Variants in ZEB2 observed in about 807,000 individuals in gnomAD.
The protein encoded by ZEB2 is zinc finger E-box-binding homeobox 2.
Under a neutral mutation model 99.9 loss-of-function variants are expected in ZEB2, and 6 were observed. The observed-to-expected ratio is 0.06, with a 90% CI of 0.03 to 0.12. The LOEUF (loss-of-function observed/expected upper bound fraction) is 0.12, where lower values mean the gene tolerates loss of function less well. Among genes scored for constraint, ZEB2 ranks in the 10% least tolerant of loss-of-function variants. The pLI is 1.00. For missense variants in ZEB2, 969 were observed against 1,502.8 expected, an observed-to-expected ratio of 0.64 and a Z score of 5.87; for synonymous variants, 517 against 542.5, an observed-to-expected ratio of 0.95 and a Z score of 0.65.
intron 7 of ZEB2, among the ~76,000 whole-genome samples, chr2:144,400,710 T>C (rs1218135593): frequency 6.6e-6 from 1 of 152,222 alleles, no homozygotes; most frequent in African/African-American, 2.4e-5. Flanking sequence ...ATAAAATGCT[T>C]GGCAGAGCTA....
intron 2 of ZEB2, chr2:144,513,731 G>T: frequency 1.3e-6 from 2 of 1,536,012 alleles, no homozygotes; most frequent in Non-Finnish European, 1.7e-6. Context: ...AGTTACAAAC[G>T]GGCCGCACCG....
chr2:144,490,117 G>T (rs1704655087), intron 2 of ZEB2, among the ~76,000 whole-genome samples: 1 of 152,234 alleles, frequency 6.6e-6, no homozygotes, highest in East Asian at 1.9e-4. Context: ...TAAACACCTA[G>T]TTCCCTGAAA....
At chr2:144,430,054 C>T (rs758597077) in intron 2 of ZEB2, 28 bp from the exon 3 acceptor site, 1 of 1,609,724 alleles carries the variant, frequency 6.2e-7, no homozygotes, top group Non-Finnish European at 8.5e-7. Context: ...AACACACTCT[C>T]TAAACACTCT....
intron 2 of ZEB2, chr2:144,461,309 C>G (rs897867999): frequency 3.3e-5 from 5 of 152,162 alleles, no homozygotes; most frequent in African/African-American, 9.7e-5. Flanking sequence ...AGGAACCCCC[C>G]ACCTGTGCAA....
In ZEB2 at chr2:144,497,878, T is replaced by TA. The variant is rs1170851614; in HGVS notation, c.73+19399_73+19400insT. 2.3e-3 allele frequency: 5 copies of TA among 2,164 alleles called. 1 individual carries two copies. The highest frequency in any genetic ancestry group is 0.01 in the Admixed American group (1 of 98). The allele number at this position is 2,164 out of a possible 1,614,324, so 0.1% of individuals were successfully genotyped here. On this transcript the variant is annotated intron_variant, in intron 2 of 9. Transcript: ENST00000627532. Reference sequence around the variant, plus strand: ...CAACATATATATATATATGTCATTCTCAACATATATATATATGTCATTCTC... The same window carrying TA: ...CAACATATATATATATATGTCATTCTACAACATATATATATATGTCATTCTC...
chr2:144,500,081 T>C (rs1013645655), intron 2 of ZEB2, among the ~76,000 whole-genome samples: 1 of 152,214 alleles, frequency 6.6e-6, no homozygotes, highest in Non-Finnish European at 1.5e-5. Flanking sequence ...AATTGTGCAT[T>C]TGCACAGCCT....
chr2:144,406,764 T>A (rs1185659066), intron 4 of ZEB2, among the ~76,000 whole-genome samples: 2 of 152,192 alleles, frequency 1.3e-5, no homozygotes, highest in African/African-American at 4.8e-5. Flanking sequence ...GATGAAACTA[T>A]GATTATTTGC....
chr2:144,513,668 G>A (rs1311591667), intron 2 of ZEB2: 1 of 1,535,046 alleles, frequency 6.5e-7, no homozygotes, highest in African/African-American at 1.4e-5. Context: ...AGGGAAGCAG[G>A]AGCATCCCAG....
intron 4 of ZEB2, among the ~76,000 whole-genome samples, chr2:144,414,331 T>C (rs1360770046): frequency 1.3e-5 from 2 of 152,038 alleles, no homozygotes; most frequent in Non-Finnish European, 1.5e-5. Context: ...AAAATGAAAA[T>C]GTTGGGCCCC....
intron 2 of ZEB2, among the ~76,000 whole-genome samples, chr2:144,476,993 ATCTATTATCTCAAATAAATATTG>A (rs1425079093): frequency 6.6e-6 from 1 of 152,218 alleles, no homozygotes; most frequent in African/African-American, 2.4e-5. Flanking sequence ...TTTATATATT[ATCTATTATCTCAAATAAATATTG>A]TTCTTAATAA....
intron 2 of ZEB2, among the ~76,000 whole-genome samples, chr2:144,476,258 G>A (rs547782049): frequency 1.3e-5 from 2 of 152,166 alleles, no homozygotes; most frequent in East Asian, 3.9e-4. Context: ...TAATCGAAAT[G>A]AGATGCCCCA....
Position 144,440,501 on chromosome 2 carries a change from ATATATATATATATATTTTTTTTTTTTTT to A in ZEB2, c.74-10503_74-10476del, listed in dbSNP as rs780854079. On this transcript the variant is annotated intron_variant, in intron 2 of 9. Transcript: ENST00000627532. ...CCAAAAGCAGTATATATATATATATATATATATATATATATTTTTTTTTTTTTTTTTTTTTTTTTTTAACTAGTGGTTA... is the reference window on the plus strand; with the variant it reads ...CCAAAAGCAGTATATATATATATATATTTTTTTTTTTTTAACTAGTGGTTA... Among the ~76,000 whole-genome samples, 27 of 76,476 alleles carry A rather than the reference ATATATATATATATATTTTTTTTTTTTTT, an allele frequency of 3.5e-4. 1 individual carries two copies. Among genetic ancestry groups the A allele is most frequent in the Non-Finnish European group, 4.9e-4 (20 of 40,790 alleles). The allele number at this position is 76,476 out of a possible 152,430, so 50.2% of individuals were successfully genotyped here. A position where few individuals can be genotyped will look rare whatever the true frequency, so the allele number is the denominator to read the frequency against.
At chr2:144,424,904 T>C (rs1703671596) in intron 3 of ZEB2, 37 bp from the exon 4 acceptor site, 1 of 1,605,216 alleles carries the variant, frequency 6.2e-7, no homozygotes, top group Admixed American at 1.7e-5. Flanking sequence ...TTGAGAATTG[T>C]AGAAAGGCTT....
chr2:144,495,854 ATGGTCTGAAAAAT>A (rs200343683), intron 2 of ZEB2: 3,359 of 152,362 alleles, frequency 0.022, 55 homozygotes, highest in Admixed American at 0.033. Flanking sequence ...TGCAGAAAAG[ATGGTCTGAAAAAT>A]TGGGTTGTGC....
At chr2:144,465,474 C>T (rs1704258671) in intron 2 of ZEB2, among the ~76,000 whole-genome samples, 1 of 152,128 alleles carries the variant, frequency 6.6e-6, no homozygotes, top group African/African-American at 2.4e-5. Context: ...TATCTTACTG[C>T]CTTTTGCCAA....
intron 2 of ZEB2, among the ~76,000 whole-genome samples, chr2:144,480,662 T>G (rs996732228): frequency 6.6e-6 from 1 of 151,640 alleles, no homozygotes; most frequent in Non-Finnish European, 1.5e-5. Flanking sequence ...GAATGCTGTC[T>G]GCCATCCTGT....
At chr2:144,487,449 G>C (rs1573793366) in intron 2 of ZEB2, among the ~76,000 whole-genome samples, 1 of 151,938 alleles carries the variant, frequency 6.6e-6, no homozygotes, top group East Asian at 1.9e-4. Flanking sequence ...TATTAAGTAT[G>C]CTTGCCATAA....
chr2:144,421,732 T>C (rs1703621231), intron 4 of ZEB2, among the ~76,000 whole-genome samples: 1 of 151,898 alleles, frequency 6.6e-6, no homozygotes, highest in Non-Finnish European at 1.5e-5. Context: ...CTCAGCTTTC[T>C]ACTTGCTTCA....
At chr2:144,421,758 T>G (rs1447814689) in intron 4 of ZEB2, among the ~76,000 whole-genome samples, 1 of 152,096 alleles carries the variant, frequency 6.6e-6, no homozygotes, top group Non-Finnish European at 1.5e-5. Context: ...TACACTCAGT[T>G]GTAAATCTCA....
Sources: allele counts gnomAD v4.1 joint callset (sites outside exome capture counted in the v4.1 genomes callset), GRCh38; gene constraint gnomAD v4.1.1; transcripts MANE v1.5; gene names NCBI Gene and HGNC (gene_info 2026-07-23, HGNC 2026-07-21).